The following HHLA1 variants were observed in gnomAD, a reference collection of about 807,000 sequenced individuals.
HHLA1 encodes the protein HHLA1 neighbor of OC90.
In HHLA1, 72 loss-of-function variants were observed where a neutral mutation model predicts 69.9. That is an observed-to-expected ratio of 1.03 (90% CI 0.85 to 1.25). The LOEUF is 1.25. HHLA1 is among the 50% of genes most tolerant of loss of function. The pLI, the probability that HHLA1 is intolerant of heterozygous loss-of-function variation, is 0.00. For synonymous variants in HHLA1, 252 were observed against 233.2 expected (o/e 1.08, Z -0.73); for missense variants, 685 against 642.2 (o/e 1.07, Z -0.72).
intron 3 of HHLA1, 182 bp downstream of exon 3, chr8:132,103,926 G>A: frequency 1.8e-6 from 1 of 560,046 alleles, no homozygotes; most frequent in Non-Finnish European, 3.2e-6. Flanking sequence ...GATTTATTAA[G>A]ATCACAAGGA....
intron 16 of HHLA1, 56 bp from the exon 17 acceptor site, chr8:132,064,094 G>C (rs931164696): frequency 1.7e-6 from 2 of 1,151,308 alleles, no homozygotes. Flanking sequence ...AAACACTGTA[G>C]AGACATAAAT....
rs564769760 is a variant in HHLA1, at chr8:132,090,819, C to T, written c.449-1220G>A. Among the ~76,000 whole-genome samples the T allele has an allele frequency of 4.8e-5, 7 of 146,222 alleles. No homozygotes were observed. The East Asian group carries it at 6.1e-4, about 13-fold the overall frequency. On this transcript the variant is annotated intron_variant, in intron 7 of 16. Coordinates refer to ENST00000414222, the MANE Select transcript of HHLA1 (RefSeq NM_001145095.3). ...TGTGGCCCAGGCTGGCGTGCAGTGG[C>T]GCAATCTCGGCTCACTGCAAGTTCC... is the stretch of plus-strand genomic sequence containing the variant.
chr8:132,069,854 G>T (rs1242040799), intron 15 of HHLA1: 3 of 152,872 alleles, frequency 2.0e-5, no homozygotes, highest in Non-Finnish European at 2.9e-5. Flanking sequence ...AATACACATT[G>T]TTGGTTAAGT....
chr8:132,088,508 T>TTTCC (rs1395664146), intron 8 of HHLA1, among the ~76,000 whole-genome samples: 1 of 152,164 alleles, frequency 6.6e-6, no homozygotes, highest in Non-Finnish European at 1.5e-5. Flanking sequence ...TAAACATACT[T>TTTCC]TTCCCTGACG....
intron 11 of HHLA1, among the ~76,000 whole-genome samples, chr8:132,079,136 G>T (rs1823695756): frequency 6.6e-6 from 1 of 152,176 alleles, no homozygotes; most frequent in African/African-American, 2.4e-5. Flanking sequence ...TGTCTTTAGT[G>T]ATGACACTGC....
intron 16 of HHLA1, among the ~76,000 whole-genome samples, chr8:132,064,647 A>G (rs984127518): frequency 2.6e-5 from 4 of 152,200 alleles, no homozygotes; most frequent in Non-Finnish European, 5.9e-5. Flanking sequence ...AGAAAAAAAT[A>G]ATGGAGGCAG....
At chr8:132,085,790 G>A (rs528623268) in intron 10 of HHLA1, 1 of 139,032 alleles carries the variant, frequency 7.2e-6, no homozygotes, top group Non-Finnish European at 1.5e-5. Flanking sequence ...TTTGAGCCAG[G>A]ATGAGCCAGG....
intron 1 of HHLA1, among the ~76,000 whole-genome samples, chr8:132,110,169 T>G (rs1207653169): frequency 6.6e-6 from 1 of 152,156 alleles, no homozygotes; most frequent in Non-Finnish European, 1.5e-5. Context: ...ATAATTACAG[T>G]GCGCTGTGGA....
chr8:132,096,884 A>G (rs1261375923), intron 5 of HHLA1, among the ~76,000 whole-genome samples: 1 of 152,126 alleles, frequency 6.6e-6, no homozygotes, highest in Non-Finnish European at 1.5e-5. Context: ...GTCACAGCTC[A>G]CTGCGGCCTC....
intron 8 of HHLA1, among the ~76,000 whole-genome samples, chr8:132,088,935 T>G (rs549249725): frequency 3.1e-4 from 47 of 152,280 alleles, no homozygotes; most frequent in Non-Finnish European, 5.4e-4. Context: ...TCTTTCTCCC[T>G]CCCTCCTGCT....
In HHLA1 at chr8:132,100,095, A is replaced by AC; in HGVS notation, c.178dup (p.Val60GlyfsTer20). 2 of 1,551,312 alleles carry AC rather than the reference A, an allele frequency of 1.3e-6. No individual in the cohort carries two copies. The highest frequency in any genetic ancestry group is 1.7e-6 in the Non-Finnish European group (2 of 1,146,812). On this transcript the variant is annotated frameshift_variant, in exon 4 of 17. Transcript: ENST00000414222. LOFTEE classifies it high-confidence loss of function. ...CTCACCCGTCGTAGCAAGAAATGCC[A>AC]CCCCCTTCTCCTTCCTCTCTTCTTC... is the stretch of plus-strand genomic sequence containing the variant.
rs1823374410 is a variant in HHLA1 at position 132,062,756 on chromosome 8, A to C, written c.*1239T>G. ...AATCAGTATGTGGGGATGCAGAAGA[A>C]AGTTGACTCCACAGACGTACTCCAC... On this transcript the variant is annotated 3_prime_UTR_variant, in exon 17 of 17. Coordinates refer to ENST00000414222, the MANE Select transcript of HHLA1 (RefSeq NM_001145095.3). The C allele has an allele frequency of 6.6e-6, 1 of 152,262 alleles. No individual in the cohort carries two copies. Among genetic ancestry groups the C allele is most frequent in the African/African-American group, 2.4e-5 (1 of 41,454 alleles). The allele number at this position is 152,262 out of a possible 1,614,324, so 9.4% of individuals were successfully genotyped here. A position where few individuals can be genotyped will look rare whatever the true frequency, so the allele number is the denominator to read the frequency against.
At position 132,070,011 on chromosome 8, in the gene HHLA1, CGGGG is replaced by C. The variant is rs750111284; in HGVS notation, c.1469+1325_1469+1328del. ...TGAATGGAGGAAATGTTCGTACTGACGGGGGGGGGGGGGAGGGGGATGAAAGATT... is the reference window on the plus strand; with the variant it reads ...TGAATGGAGGAAATGTTCGTACTGACGGGGGGGGGAGGGGGATGAAAGATT... On this transcript the variant is annotated intron_variant, in intron 15 of 16. Transcript: ENST00000414222. The C allele has an allele frequency of 1.2e-3, 29 of 24,202 alleles. 6 individuals are homozygous for C. Among genetic ancestry groups the C allele is most frequent in the Admixed American group, 2.7e-3 (6 of 2,234 alleles). 1.5% of individuals were successfully genotyped at this position (24,202 alleles called of 1,614,324 possible).
intron 3 of HHLA1, among the ~76,000 whole-genome samples, chr8:132,102,286 T>C (rs1824122530): frequency 1.3e-5 from 2 of 152,248 alleles, no homozygotes; most frequent in Non-Finnish European, 2.9e-5. Flanking sequence ...TCTGATACCA[T>C]GTTGAAACTG....
chr8:132,087,313 T>C (rs1355442209), intron 10 of HHLA1, among the ~76,000 whole-genome samples: 1 of 151,946 alleles, frequency 6.6e-6, no homozygotes, highest in Non-Finnish European at 1.5e-5. Context: ...TTCAAATATC[T>C]ACAAAACCCA....
At chr8:132,074,717 A>G (rs1396267883) in intron 14 of HHLA1, among the ~76,000 whole-genome samples, 2 of 152,226 alleles carry the variant, frequency 1.3e-5, no homozygotes, top group Non-Finnish European at 2.9e-5. Context: ...ATAGGCAAAT[A>G]TCTATGATAT....
At chr8:132,097,144 T>G (rs939153012) in intron 5 of HHLA1, among the ~76,000 whole-genome samples, 2 of 152,144 alleles carry the variant, frequency 1.3e-5, no homozygotes, top group African/African-American at 4.8e-5. Context: ...GGAACCAGAC[T>G]CTGTATTTAA....
Position 132,076,617 on chromosome 8 carries a change from C to T in HHLA1, c.1172-74G>A, listed in dbSNP as rs1331602693. 6.8e-6 allele frequency: 6 copies of T among 878,932 alleles called. No homozygotes were observed. In the African/African-American group the frequency reaches 7.0e-5, roughly 10 times the overall value. The allele number at this position is 878,932 out of a possible 1,614,324, so 54.4% of individuals were successfully genotyped here. A position where few individuals can be genotyped will look rare whatever the true frequency, so the allele number is the denominator to read the frequency against. ...CTGAGGGAGAAGATGACCAGGGCCA[C>T]CTATCCTGCCCTATCCAACCAATGT... On this transcript the variant is annotated intron_variant, in intron 12 of 16. Coordinates refer to ENST00000414222, the MANE Select transcript of HHLA1 (RefSeq NM_001145095.3).
chr8:132,081,174 G>A (rs1471217570), intron 10 of HHLA1: 1 of 152,160 alleles, frequency 6.6e-6, no homozygotes, highest in Admixed American at 6.5e-5. Context: ...TAAACCGGCA[G>A]TGTAAACAAG....
Sources: allele counts gnomAD v4.1 joint callset (sites outside exome capture counted in the v4.1 genomes callset), GRCh38; gene constraint gnomAD v4.1.1; transcripts MANE v1.5; gene names NCBI Gene and HGNC (gene_info 2026-07-23, HGNC 2026-07-21).